The following OR2AT4 variants were observed in gnomAD, a reference collection of about 807,000 sequenced individuals.
OR2AT4 encodes olfactory receptor 2AT4.
OR2AT4 carries 6 observed loss-of-function variants against 10.3 expected under a neutral mutation model. The observed-to-expected ratio is 0.58, with a 90% confidence interval of 0.32 to 1.15. The LOEUF is 1.15. Among genes scored for constraint, OR2AT4 ranks in the 50% most tolerant of loss-of-function variants. The pLI, the probability that OR2AT4 is intolerant of heterozygous loss-of-function variation, is 0.05. For synonymous variants in OR2AT4, 145 were observed against 159.1 expected (o/e 0.91, Z 0.67); for missense variants, 354 against 393.8 (o/e 0.90, Z 0.85).
Position 75,088,761 on chromosome 11 carries a change from CTG to C in OR2AT4, c.951_952del (p.Asp317GlufsTer10). ...AGCTGCATTTAAAGGTCAAATGCTC[CTG>C]TCACAGCCTGGGTCTTGAGACATGA... On this transcript the variant is annotated frameshift_variant, in exon 2 of 2. Coordinates refer to ENST00000641504, the Ensembl canonical transcript of OR2AT4. LOFTEE classifies it high-confidence loss of function. The C allele has an allele frequency of 6.4e-7, 1 of 1,556,272 alleles. No individual in the cohort carries two copies. Among genetic ancestry groups the C allele is most frequent in the East Asian group, 2.3e-5 (1 of 44,362 alleles).
rs2140278250 is a variant in OR2AT4, at chr11:75,086,243, C to T, written c.*2508G>A. 2 of 152,222 alleles carry T rather than the reference C, an allele frequency of 1.3e-5. 1 individual carries two copies. Among genetic ancestry groups the T allele is most frequent in the Admixed American group, 1.3e-4 (2 of 15,294 alleles). The allele number at this position is 152,222 out of a possible 1,614,324, so 9.4% of individuals were successfully genotyped here. A position where few individuals can be genotyped will look rare whatever the true frequency, so the allele number is the denominator to read the frequency against. The stretch of plus-strand genomic sequence containing the variant: ...AGAAAACTTCTAGAAACTTCGTTTT[C>T]TATAGGGCAAAATCTGCATGACCTT... On this transcript the variant is annotated 3_prime_UTR_variant, in exon 2 of 2. Transcript: ENST00000641504.
intron 1 of OR2AT4, among the ~76,000 whole-genome samples, chr11:75,091,976 T>C (rs1298414763): frequency 6.6e-6 from 1 of 152,176 alleles, no homozygotes; most frequent in East Asian, 1.9e-4. Context: ...GAGAAGATAT[T>C]TTCCTATTTT....
At chr11:75,087,228 A>G (rs969278056) in exon 2 of OR2AT4, 1 of 152,212 alleles carries the variant, frequency 6.6e-6, no homozygotes, top group South Asian at 2.1e-4. Flanking sequence ...CTTTTGATAA[A>G]TGTATCATGG....
In OR2AT4 at chr11:75,088,796, G is replaced by A. The variant is rs752037483; in HGVS notation, c.918C>T (p.Ile306=). Reference sequence around the variant, plus strand: ...CTGGGTCTTGAGACATGATTTTGGTGATGGCTGCCTTTACATCCCTGTTTC... The same window carrying A: ...CTGGGTCTTGAGACATGATTTTGGTAATGGCTGCCTTTACATCCCTGTTTC... The change falls in exon 2 of 2, where the codon ATC becomes ATT. Residue 306 remains isoleucine (I), a synonymous_variant. Coordinates refer to ENST00000641504, the Ensembl canonical transcript of OR2AT4. 3.1e-6 allele frequency: 5 copies of A among 1,589,280 alleles called. No individual in the cohort carries two copies. In the East Asian group the frequency reaches 6.7e-5, roughly 21 times the overall value.
chr11:75,091,647 A>G (rs943123148), intron 1 of OR2AT4, among the ~76,000 whole-genome samples: 4 of 152,200 alleles, frequency 2.6e-5, no homozygotes, highest in African/African-American at 9.7e-5. Flanking sequence ...TATCTTCTGT[A>G]TACTTATTTG....
exon 2 of OR2AT4, chr11:75,088,888 G>C: frequency 1.2e-6 from 2 of 1,614,004 alleles, no homozygotes; most frequent in Non-Finnish European, 1.7e-6. Flanking sequence ...CCCATGATAT[G>C]GAAGTCAAGG....
rs1356963130 is a variant in OR2AT4, at chr11:75,084,552, C to A, written c.*4199G>T. The A allele has an allele frequency of 2.0e-5, 3 of 152,260 alleles. No homozygotes were observed. In the East Asian group the frequency reaches 5.8e-4, roughly 29 times the overall value. 9.4% of individuals were successfully genotyped at this position (152,260 alleles called of 1,614,324 possible). Reference sequence around the variant, plus strand: ...ACACTCCACATAATAGCAGAATACACTTCCAAGGGTGCACAGAACATTCAC... The same window carrying A: ...ACACTCCACATAATAGCAGAATACAATTCCAAGGGTGCACAGAACATTCAC... On this transcript the variant is annotated 3_prime_UTR_variant, in exon 2 of 2. Coordinates refer to ENST00000641504, the Ensembl canonical transcript of OR2AT4.
At chr11:75,083,288 C>T (rs1949274410) in exon 2 of OR2AT4, 1 of 152,026 alleles carries the variant, frequency 6.6e-6, no homozygotes, top group African/African-American at 2.4e-5. Context: ...AGCCAACAGA[C>T]ATGAAAAAAT....
intron 1 of OR2AT4, among the ~76,000 whole-genome samples, chr11:75,095,493 TCCA>T (rs1397462409): frequency 6.6e-6 from 1 of 152,112 alleles, no homozygotes; most frequent in Non-Finnish European, 1.5e-5. Flanking sequence ...TATTTATGTG[TCCA>T]CCACACCAGG....
At chr11:75,095,143 A>T (rs140827575) in intron 1 of OR2AT4, among the ~76,000 whole-genome samples, 1 of 152,286 alleles carries the variant, frequency 6.6e-6, no homozygotes, top group African/African-American at 2.4e-5. Context: ...GAAGTCCAGA[A>T]ATAGTGTCTT....
exon 1 of OR2AT4, chr11:75,096,862 C>G (rs765426163): frequency 6.6e-6 from 1 of 152,316 alleles, no homozygotes; most frequent in African/African-American, 2.4e-5. Flanking sequence ...TGTGTAGAGT[C>G]GTCACAGTTG....
intron 1 of OR2AT4, among the ~76,000 whole-genome samples, chr11:75,094,254 G>A (rs558824601): frequency 1.2e-4 from 18 of 151,756 alleles, no homozygotes; most frequent in Admixed American, 9.9e-4. Flanking sequence ...TTCTTCTATC[G>A]TCGGTTCCCT....
chr11:75,090,367 G>C lies in OR2AT4; in HGVS notation c.-651-3C>G, dbSNP rs1375133626. 6.6e-6 allele frequency: 1 copy of C among 152,332 alleles called. No individual in the cohort carries two copies. Among genetic ancestry groups the C allele is most frequent in the Non-Finnish European group, 1.5e-5 (1 of 68,172 alleles). 9.4% of individuals were successfully genotyped at this position (152,332 alleles called of 1,614,324 possible). On this transcript the variant is annotated splice_polypyrimidine_tract_variant and splice_region_variant and intron_variant, in intron 1 of 1. Transcript: ENST00000641504. ...GCTAGGTGTCTGGACTTCTGCTCCT[G>C]TATTGGATATAATAGACCATGATAG...
intron 1 of OR2AT4, among the ~76,000 whole-genome samples, chr11:75,095,763 T>C (rs1457189407): frequency 6.6e-6 from 1 of 150,562 alleles, no homozygotes; most frequent in Non-Finnish European, 1.5e-5. Flanking sequence ...CTGCAACCTC[T>C]GCCTCCCGGG....
chr11:75,083,984 GA>G (rs1296425950), exon 2 of OR2AT4: 5 of 144,758 alleles, frequency 3.5e-5, no homozygotes, highest in East Asian at 2.0e-4. Context: ...AAAAAAAAAA[GA>G]AAAAAAAAGG....
At chr11:75,088,705 C>A (rs775248505) in exon 2 of OR2AT4, 6 of 1,509,710 alleles carry the variant, frequency 4.0e-6, no homozygotes, top group Non-Finnish European at 3.6e-6. Flanking sequence ...CTGTGCTAAG[C>A]ACTGTTATTT....
chr11:75,093,429 C>G (rs1949329832), intron 1 of OR2AT4, among the ~76,000 whole-genome samples: 1 of 152,222 alleles, frequency 6.6e-6, no homozygotes, highest in Non-Finnish European at 1.5e-5. Context: ...CGTCTTGTGA[C>G]AAGTGCCCAA....
At chr11:75,095,533 T>C (rs986575362) in intron 1 of OR2AT4, among the ~76,000 whole-genome samples, 1 of 152,160 alleles carries the variant, frequency 6.6e-6, no homozygotes, top group Non-Finnish European at 1.5e-5. Flanking sequence ...TAATGGGGTC[T>C]GATCGTTTCT....
chr11:75,085,518 C>A lies in OR2AT4; in HGVS notation c.*3233G>T, dbSNP rs565166430. The A allele has an allele frequency of 2.6e-5, 4 of 152,160 alleles. No individual in the cohort carries two copies. In the East Asian group the frequency reaches 7.7e-4, roughly 29 times the overall value. The allele number at this position is 152,160 out of a possible 1,614,324, so 9.4% of individuals were successfully genotyped here. The stretch of plus-strand genomic sequence containing the variant: ...TTCCTAATTCATTTTATGAGGCCAG[C>A]ATTTATCTAATACCAAACCAGACAA... On this transcript the variant is annotated 3_prime_UTR_variant, in exon 2 of 2. Coordinates refer to ENST00000641504, the Ensembl canonical transcript of OR2AT4.
Sources: allele counts gnomAD v4.1 joint callset (sites outside exome capture counted in the v4.1 genomes callset), GRCh38; gene constraint gnomAD v4.1.1; transcripts MANE v1.5; gene names NCBI Gene and HGNC (gene_info 2026-07-23, HGNC 2026-07-21).